Variants in PCDH10 observed in about 807,000 individuals in gnomAD.
The protein encoded by PCDH10 is protocadherin-10.
A neutral mutation model predicts 74.4 loss-of-function variants in PCDH10; 15 were observed. The observed-to-expected ratio is 0.20, with a 90% confidence interval of 0.13 to 0.31. The LOEUF (loss-of-function observed/expected upper bound fraction) is 0.31. Among genes scored for constraint, PCDH10 ranks in the 10% least tolerant of loss-of-function variants. PCDH10 has a pLI of 1.00. For missense variants in PCDH10, 1,260 were observed against 1,390.2 expected, an observed-to-expected ratio of 0.91 and a Z score of 1.49; for synonymous variants, 619 against 589.8, an observed-to-expected ratio of 1.05 and a Z score of -0.72.
chr4:133,184,797 T>C (rs1439163650), intron 4 of PCDH10, among the ~76,000 whole-genome samples: 4 of 131,870 alleles, frequency 3.0e-5, no homozygotes, highest in Non-Finnish European at 4.6e-5. Context: ...TATATATATT[T>C]ATATATATAT....
chr4:133,171,641 A>G (rs1434965837), intron 4 of PCDH10, among the ~76,000 whole-genome samples: 2 of 152,260 alleles, frequency 1.3e-5, no homozygotes, highest in South Asian at 2.1e-4. Flanking sequence ...AATGTTTCAC[A>G]GGTAGATTTA....
intron 4 of PCDH10, among the ~76,000 whole-genome samples, chr4:133,180,277 C>T (rs1275370399): frequency 1.3e-5 from 2 of 151,890 alleles, no homozygotes; most frequent in African/African-American, 4.8e-5. Flanking sequence ...AAAGGGTGAG[C>T]CATTGTGGAT....
chr4:133,167,931 A>T (rs887336446), intron 4 of PCDH10, among the ~76,000 whole-genome samples: 31 of 151,494 alleles, frequency 2.0e-4, no homozygotes, highest in African/African-American at 7.5e-4. Flanking sequence ...CATCAGAAAA[A>T]AAATTGAACC....
chr4:133,176,460 A>G (rs1727299052), intron 4 of PCDH10, among the ~76,000 whole-genome samples: 1 of 152,162 alleles, frequency 6.6e-6, no homozygotes, highest in Non-Finnish European at 1.5e-5. Context: ...GCAACCATAT[A>G]TTCAGTTAAA....
At chr4:133,184,782 ATAAATATATATATT>A (rs1197553154) in intron 4 of PCDH10, among the ~76,000 whole-genome samples, 2 of 138,360 alleles carry the variant, frequency 1.4e-5, no homozygotes, top group Non-Finnish European at 3.1e-5. Flanking sequence ...AAATATATAT[ATAAATATATATATT>A]TATATATATA....
Position 133,190,387 on chromosome 4 carries a change from T to G in PCDH10, c.*227T>G. ...TGTAGAAACTTTAGAGGCAACAGATTTTGCCTCCCCGATCAGTGTGTGCCT... is the reference window on the plus strand; with the variant it reads ...TGTAGAAACTTTAGAGGCAACAGATGTTGCCTCCCCGATCAGTGTGTGCCT... On this transcript the variant is annotated 3_prime_UTR_variant, in exon 5 of 5. Transcript: ENST00000264360. 1.7e-6 allele frequency: 1 copy of G among 586,360 alleles called. No homozygotes were observed. The highest frequency in any genetic ancestry group is 3.1e-6 in the Non-Finnish European group (1 of 322,068). 36.3% of individuals were successfully genotyped at this position (586,360 alleles called of 1,614,324 possible).
At chr4:133,163,986 A>G (rs1488739544) in intron 4 of PCDH10, 2 of 453,616 alleles carry the variant, frequency 4.4e-6, no homozygotes, top group Admixed American at 4.8e-5. Context: ...GGACATAGAT[A>G]AAGCAAATAG....
chr4:133,184,776 A>ATATATATATATATATATATT (rs1560714293), intron 4 of PCDH10, among the ~76,000 whole-genome samples: 2 of 137,968 alleles, frequency 1.4e-5, no homozygotes, highest in African/African-American at 5.4e-5. Flanking sequence ...ATATATAAAT[A>ATATATATATATATATATATT]TATATATAAA....
intron 4 of PCDH10, among the ~76,000 whole-genome samples, chr4:133,187,961 CAT>C (rs1170044947): frequency 6.6e-6 from 1 of 151,960 alleles, no homozygotes; most frequent in Non-Finnish European, 1.5e-5. Context: ...TATACTAAAA[CAT>C]AGTTTTTCAG....
chr4:133,178,915 A>G (rs115839290), intron 4 of PCDH10, among the ~76,000 whole-genome samples: 67 of 152,238 alleles, frequency 4.4e-4, no homozygotes, highest in Non-Finnish European at 6.9e-4. Flanking sequence ...TATGGAAAAA[A>G]GTTCCTGTAC....
chr4:133,186,042 A>C (rs1465946545), intron 4 of PCDH10, among the ~76,000 whole-genome samples: 4 of 152,148 alleles, frequency 2.6e-5, no homozygotes, highest in South Asian at 2.1e-4. Context: ...AATACCTTAA[A>C]ATTTTAATTT....
chr4:133,171,548 T>C (rs1269130041), intron 4 of PCDH10, among the ~76,000 whole-genome samples: 1 of 152,130 alleles, frequency 6.6e-6, no homozygotes, highest in Non-Finnish European at 1.5e-5. Flanking sequence ...TAGAAAGTTC[T>C]GAGTCAACAA....
chr4:133,167,656 T>TGC (rs1727113860), intron 4 of PCDH10, among the ~76,000 whole-genome samples: 1 of 151,520 alleles, frequency 6.6e-6, no homozygotes, highest in Admixed American at 6.6e-5. Context: ...CTCTTCCATG[T>TGC]TGTGCTACTA....
Position 133,150,981 on chromosome 4 carries a change from C to T in PCDH10, c.841C>T (p.Gln281Ter). 6.2e-7 allele frequency: 1 copy of T among 1,613,810 alleles called. No homozygotes were observed. Among genetic ancestry groups the T allele is most frequent in the East Asian group, 2.2e-5 (1 of 44,870 alleles). ...CAACGCCACCGACCCGGACGAGGGC[C>T]AGAACGGTGAGGTCGTGTACTCCTT... ...QLNATDPDEG[Q>*]NGEVVYSFSS... Residue 281 changes from glutamine to a stop codon, truncating the protein, a stop_gained, in exon 1 of 5, where the codon CAG becomes TAG. Coordinates refer to ENST00000264360, the MANE Select transcript of PCDH10 (RefSeq NM_032961.3). LOFTEE classifies it high-confidence loss of function.
intron 3 of PCDH10, among the ~76,000 whole-genome samples, chr4:133,155,610 TG>T (rs1365929159): frequency 2.6e-5 from 4 of 152,216 alleles, no homozygotes; most frequent in Admixed American, 2.6e-4. Flanking sequence ...TATGTGATAA[TG>T]TGTATTTTTT....
At chr4:133,176,557 A>G (rs1302049912) in intron 4 of PCDH10, among the ~76,000 whole-genome samples, 1 of 152,192 alleles carries the variant, frequency 6.6e-6, no homozygotes, top group African/African-American at 2.4e-5. Flanking sequence ...TTACTCCCAG[A>G]GAAAAATCAG....
intron 4 of PCDH10, among the ~76,000 whole-genome samples, chr4:133,184,695 TA>T (rs1578574500): frequency 6.9e-6 from 1 of 145,664 alleles, no homozygotes; most frequent in African/African-American, 2.5e-5. Flanking sequence ...TATATTTATA[TA>T]AAATATATAT....
intron 3 of PCDH10, among the ~76,000 whole-genome samples, chr4:133,156,672 T>C (rs988892237): frequency 6.6e-6 from 1 of 152,222 alleles, no homozygotes; most frequent in African/African-American, 2.4e-5. Context: ...ATCTGTTGCA[T>C]GTTTCTTTGG....
chr4:133,170,875 G>A (rs1172251106), intron 4 of PCDH10, among the ~76,000 whole-genome samples: 1 of 150,590 alleles, frequency 6.6e-6, no homozygotes, highest in Non-Finnish European at 1.5e-5. Flanking sequence ...TGTATTTTTA[G>A]TAGAGACGAG....
Sources: gnomAD v4.1 joint callset for allele counts (sites outside exome capture counted in the v4.1 genomes callset) on GRCh38, gnomAD v4.1.1 for gene constraint, MANE v1.5 for transcripts, NCBI Gene and HGNC (gene_info 2026-07-23, HGNC 2026-07-21) for gene names.